KCNMA1: variants seen among roughly 807,000 people sequenced by gnomAD.
The protein encoded by KCNMA1 is potassium calcium-activated channel subfamily M alpha 1, also known as Calcium-activated potassium channel subunit alpha-1.
A neutral mutation model predicts 140.0 loss-of-function variants in KCNMA1; 29 were observed. The observed-to-expected ratio is 0.21, with a 90% CI of 0.15 to 0.28. The LOEUF (loss-of-function observed/expected upper bound fraction) is 0.28, where lower values mean the gene tolerates loss of function less well. Ranked by LOEUF, KCNMA1 falls within the 10% of genes least tolerant of loss-of-function variation. KCNMA1 has a pLI of 1.00. For missense variants in KCNMA1, 880 were observed against 1,602.2 expected (o/e 0.55, Z 7.70); for synonymous variants, 612 against 611.9 (o/e 1.00, Z 0.00).
intron 14 of KCNMA1, among the ~76,000 whole-genome samples, chr10:77,049,140 T>C (rs545166651): frequency 2.0e-5 from 3 of 152,288 alleles, no homozygotes; most frequent in Admixed American, 2.0e-4. Flanking sequence ...ATCTAAAAAC[T>C]TCCTCTCCTG....
chr10:76,890,563 T>A (rs1296495197), intron 26 of KCNMA1, among the ~76,000 whole-genome samples: 2 of 152,150 alleles, frequency 1.3e-5, no homozygotes, highest in Non-Finnish European at 2.9e-5. Flanking sequence ...ATGATCAAAC[T>A]AAAATATGGG....
At chr10:77,212,061 A>G (rs934521489) in intron 3 of KCNMA1, among the ~76,000 whole-genome samples, 2 of 152,246 alleles carry the variant, frequency 1.3e-5, no homozygotes, top group East Asian at 3.8e-4. Flanking sequence ...CACTTAAATC[A>G]GAGCTACCAT....
rs540086108 is a variant in KCNMA1, at chr10:77,031,112, C to T, written c.1860-3221G>A. Among the ~76,000 whole-genome samples the T allele has an allele frequency of 7.2e-5, 11 of 152,300 alleles. No homozygotes were observed. In the South Asian group the frequency reaches 2.1e-3, roughly 29 times the overall value. Reference sequence around the variant, plus strand: ...TATGTAAAAAGCCAAAAGTGGAAATCGAGTCTTTGACGCAATGTGCTGCAC... The same window carrying T: ...TATGTAAAAAGCCAAAAGTGGAAATTGAGTCTTTGACGCAATGTGCTGCAC... On this transcript the variant is annotated intron_variant, in intron 15 of 27. Coordinates refer to ENST00000286628, the MANE Select transcript of KCNMA1 (RefSeq NM_001161352.2).
intron 5 of KCNMA1, among the ~76,000 whole-genome samples, chr10:77,177,780 C>T (rs192159446): frequency 6.6e-6 from 1 of 152,168 alleles, no homozygotes; most frequent in Non-Finnish European, 1.5e-5. Context: ...CTCCTCTGAA[C>T]TCCCATGGCC....
At chr10:77,125,890 G>A (rs1244083207) in intron 5 of KCNMA1, among the ~76,000 whole-genome samples, 1 of 152,166 alleles carries the variant, frequency 6.6e-6, no homozygotes, top group Non-Finnish European at 1.5e-5. Flanking sequence ...GCCTACTAAA[G>A]GGAAAAGCCA....
intron 3 of KCNMA1, among the ~76,000 whole-genome samples, chr10:77,189,790 C>T (rs1415217777): frequency 6.6e-6 from 1 of 152,148 alleles, no homozygotes. Flanking sequence ...GCCCACAGCA[C>T]CACAGACATG....
intron 1 of KCNMA1, among the ~76,000 whole-genome samples, chr10:77,511,848 G>T (rs2048532950): frequency 6.6e-6 from 1 of 152,158 alleles, no homozygotes; most frequent in Admixed American, 6.5e-5. Flanking sequence ...ATTTATTAGA[G>T]AAAGTGGGGA....
At chr10:76,920,020 G>GTGTGTGTGTGTGTGTATATATATA (rs1177257916) in intron 23 of KCNMA1, among the ~76,000 whole-genome samples, 8 of 34,414 alleles carry the variant, frequency 2.3e-4, no homozygotes, top group African/African-American at 8.4e-4. Flanking sequence ...GTGTGTGTGT[G>GTGTGTGTGTGTGTGTATATATATA]TATATATATA....
At chr10:77,410,026 T>C (rs2154474981) in intron 1 of KCNMA1, among the ~76,000 whole-genome samples, 1 of 152,276 alleles carries the variant, frequency 6.6e-6, no homozygotes, top group Non-Finnish European at 1.5e-5. Flanking sequence ...GTGGAGTCAC[T>C]GTCCTCTGGT....
chr10:77,343,156 G>A (rs748341757), intron 2 of KCNMA1, among the ~76,000 whole-genome samples: 1 of 152,146 alleles, frequency 6.6e-6, no homozygotes, highest in Non-Finnish European at 1.5e-5. Context: ...GTTCTCAAGA[G>A]ACTGAAGGGG....
chr10:77,449,019 G>A (rs755997707), intron 1 of KCNMA1, among the ~76,000 whole-genome samples: 2 of 151,696 alleles, frequency 1.3e-5, no homozygotes, highest in Non-Finnish European at 2.9e-5. Flanking sequence ...TCCAGGAGGT[G>A]GAGGTTGCAG....
chr10:77,261,750 T>C (rs1565568396), intron 2 of KCNMA1, among the ~76,000 whole-genome samples: 1 of 152,310 alleles, frequency 6.6e-6, no homozygotes, highest in African/African-American at 2.4e-5. Context: ...TTAAAACCGA[T>C]GCACTGGCAA....
intron 3 of KCNMA1, among the ~76,000 whole-genome samples, chr10:77,189,474 A>C (rs561634343): frequency 6.6e-6 from 1 of 152,294 alleles, no homozygotes; most frequent in African/African-American, 2.4e-5. Flanking sequence ...ATTAACAATC[A>C]GAGAGTACCT....
At chr10:77,623,009 T>C (rs2091785644) in intron 1 of KCNMA1, among the ~76,000 whole-genome samples, 1 of 152,192 alleles carries the variant, frequency 6.6e-6, no homozygotes, top group South Asian at 2.1e-4. Flanking sequence ...ACTGGTGAGA[T>C]GAGGAAGAAA....
intron 17 of KCNMA1, among the ~76,000 whole-genome samples, chr10:77,015,308 G>A (rs760871715): frequency 1.8e-4 from 28 of 152,018 alleles, no homozygotes; most frequent in Non-Finnish European, 3.1e-4. Context: ...AATGGCACAC[G>A]ACAGCCTCTC....
At chr10:77,166,924 C>T (rs1174109916) in intron 5 of KCNMA1, among the ~76,000 whole-genome samples, 1 of 152,124 alleles carries the variant, frequency 6.6e-6, no homozygotes, top group African/African-American at 2.4e-5. Context: ...ACATCCATCA[C>T]CTTAAAATAT....
At chr10:77,370,227 A>G (rs754329706) in intron 2 of KCNMA1, among the ~76,000 whole-genome samples, 1 of 152,192 alleles carries the variant, frequency 6.6e-6, no homozygotes, top group Non-Finnish European at 1.5e-5. Context: ...TGCATCAATA[A>G]TATTTCTCTT....
At chr10:76,982,439 G>A (rs2079827911) in intron 19 of KCNMA1, among the ~76,000 whole-genome samples, 1 of 152,112 alleles carries the variant, frequency 6.6e-6, no homozygotes, top group Non-Finnish European at 1.5e-5. Flanking sequence ...GCACTCAGGG[G>A]GCACTTGACC....
At chr10:77,469,087 T>A (rs2098096555) in intron 1 of KCNMA1, among the ~76,000 whole-genome samples, 1 of 152,198 alleles carries the variant, frequency 6.6e-6, no homozygotes, top group Non-Finnish European at 1.5e-5. Flanking sequence ...TGCACTTGCA[T>A]AAGGTTTCTT....
Sources: allele counts gnomAD v4.1 joint callset (sites outside exome capture counted in the v4.1 genomes callset), GRCh38; gene constraint gnomAD v4.1.1; transcripts MANE v1.5; gene names NCBI Gene and HGNC (gene_info 2026-07-23, HGNC 2026-07-21).